TMEM207: variants seen among roughly 807,000 people sequenced by gnomAD.
TMEM207 encodes the protein transmembrane protein 207.
A neutral mutation model predicts 17.4 loss-of-function variants in TMEM207; 15 were observed. The observed-to-expected ratio is 0.86, with a 90% CI of 0.58 to 1.33. TMEM207 has a LOEUF of 1.33. Ranked by LOEUF, TMEM207 falls within the 40% of genes most tolerant of loss-of-function variation. TMEM207 has a pLI of 0.00. For synonymous variants in TMEM207, 70 were observed against 65.6 expected (o/e 1.07, Z -0.33); for missense variants, 205 against 173.8 (o/e 1.18, Z -1.01).
Position 190,447,949 on chromosome 3 carries a change from C to G in TMEM207, c.76-122G>C, listed in dbSNP as rs556193952. ...TCGTTTGCTTTTTTAATTAAAAGCT[C>G]TATAGCAGAGTTTATTGTTGGTACA... On this transcript the variant is annotated intron_variant, in intron 1 of 4. Coordinates refer to ENST00000354905, the MANE Select transcript of TMEM207 (RefSeq NM_207316.3). 8.3e-6 allele frequency: 7 copies of G among 839,132 alleles called. No homozygotes were observed. The East Asian group carries it at 1.1e-4, about 13-fold the overall frequency. 52.0% of individuals were successfully genotyped at this position (839,132 alleles called of 1,614,324 possible). A position where few individuals can be genotyped will look rare whatever the true frequency, so the allele number is the denominator to read the frequency against.
intron 2 of TMEM207, chr3:190,444,525 T>C (rs1204790950): frequency 1.0e-5 from 9 of 864,142 alleles, no homozygotes; most frequent in Non-Finnish European, 1.2e-5. Context: ...AAAATAGAAA[T>C]GAGAGCCTGG....
chr3:190,444,676 T>A (rs533366195), intron 2 of TMEM207, among the ~76,000 whole-genome samples: 2 of 152,092 alleles, frequency 1.3e-5, no homozygotes, highest in African/African-American at 2.4e-5. Flanking sequence ...GAATATTGGT[T>A]ATATAGTGTC....
At chr3:190,441,365 A>T in intron 3 of TMEM207, 73 bp downstream of exon 3, 1 of 1,189,720 alleles carries the variant, frequency 8.4e-7, no homozygotes, top group Admixed American at 1.9e-5. Flanking sequence ...TTCATGTACC[A>T]TCTCAAATTA....
chr3:190,439,919 C>T (rs1274614777), intron 4 of TMEM207, among the ~76,000 whole-genome samples: 1 of 152,200 alleles, frequency 6.6e-6, no homozygotes, highest in Non-Finnish European at 1.5e-5. Flanking sequence ...CTCAGAGATG[C>T]TTTGCAGTAC....
chr3:190,444,135 G>A (rs1465169753), intron 2 of TMEM207, among the ~76,000 whole-genome samples: 1 of 152,100 alleles, frequency 6.6e-6, no homozygotes, highest in Non-Finnish European at 1.5e-5. Flanking sequence ...TGGTTTCTCT[G>A]TTACATCACT....
chr3:190,433,452 T>A (rs546384441), intron 4 of TMEM207, among the ~76,000 whole-genome samples: 14 of 152,136 alleles, frequency 9.2e-5, no homozygotes, highest in Non-Finnish European at 1.0e-4. Context: ...AATCCTTATC[T>A]TTTTTTAAAA....
At position 190,447,703 on chromosome 3, in the gene TMEM207, G is replaced by A. The variant is rs1346145492; in HGVS notation, c.113+87C>T. The A allele has an allele frequency of 9.7e-6, 13 of 1,345,236 alleles. No individual in the cohort carries two copies. The East Asian group carries it at 2.6e-4, about 27-fold the overall frequency. 83.3% of individuals were successfully genotyped at this position (1,345,236 alleles called of 1,614,324 possible). On this transcript the variant is annotated intron_variant, in intron 2 of 4. Coordinates refer to ENST00000354905, the MANE Select transcript of TMEM207 (RefSeq NM_207316.3). ...ATAATGATCATTTGAAACTCAACTG[G>A]GCTTTTTCTAATGGCTTGAGCCTTT... is the stretch of plus-strand genomic sequence containing the variant.
In TMEM207 at chr3:190,429,367, T is replaced by C. The variant is rs189370393; in HGVS notation, c.*228A>G. ...GAAGCATTAATTTGGTTGTGTAGCA[T>C]AAAAGTATGATACAGCAGTGACACA... On this transcript the variant is annotated 3_prime_UTR_variant, in exon 5 of 5. Coordinates refer to ENST00000354905, the MANE Select transcript of TMEM207 (RefSeq NM_207316.3). 4.2e-4 allele frequency: 212 copies of C among 503,632 alleles called. 1 individual carries two copies. Among genetic ancestry groups the C allele is most frequent in the African/African-American group, 2.4e-3 (121 of 50,852 alleles). The allele number at this position is 503,632 out of a possible 1,614,324, so 31.2% of individuals were successfully genotyped here.
chr3:190,430,474 T>C (rs1170825358), intron 4 of TMEM207, among the ~76,000 whole-genome samples: 1 of 151,386 alleles, frequency 6.6e-6, no homozygotes, highest in African/African-American at 2.4e-5. Context: ...TGCTATTTTA[T>C]AACCATCTTT....
At chr3:190,444,152 T>C (rs1447481846) in intron 2 of TMEM207, among the ~76,000 whole-genome samples, 2 of 152,186 alleles carry the variant, frequency 1.3e-5, no homozygotes, top group Non-Finnish European at 2.9e-5. Flanking sequence ...CACTCAGCAT[T>C]TTCTAGGGCA....
intron 4 of TMEM207, among the ~76,000 whole-genome samples, chr3:190,437,811 C>T (rs1056242760): frequency 2.4e-4 from 36 of 151,122 alleles, no homozygotes; most frequent in Non-Finnish European, 4.6e-4. Context: ...ATGTTTATTG[C>T]GGCACTATTC....
chr3:190,445,618 C>A (rs771840996), intron 2 of TMEM207, among the ~76,000 whole-genome samples: 15 of 152,092 alleles, frequency 9.9e-5, no homozygotes, highest in Non-Finnish European at 1.9e-4. Flanking sequence ...CGCCACCTCC[C>A]AGGTTCAAGC....
chr3:190,432,555 T>C (rs956121975), intron 4 of TMEM207, among the ~76,000 whole-genome samples: 1 of 152,228 alleles, frequency 6.6e-6, no homozygotes, highest in African/African-American at 2.4e-5. Flanking sequence ...AAATACTTCC[T>C]TTTTTATTAC....
chr3:190,440,257 C>T lies in TMEM207; in HGVS notation c.291G>A (p.Leu97=). The T allele has an allele frequency of 6.2e-7, 1 of 1,613,638 alleles. No homozygotes were observed. The highest frequency in any genetic ancestry group is 8.5e-7 in the Non-Finnish European group (1 of 1,179,830). The change falls in exon 4 of 5, where the codon TTG becomes TTA. Residue 97 remains leucine, a synonymous_variant. Coordinates refer to ENST00000354905, the MANE Select transcript of TMEM207 (RefSeq NM_207316.3). ...CAGACAACTCACCATAAATAGAGTC[C>T]AAGTCTCCAACAGCAAAAACTGCCA... The part of the protein sequence containing the change: ...RTMAVFAVGD[L]DSIYGTEAAV...
chr3:190,446,398 T>G (rs1280235849), intron 2 of TMEM207, among the ~76,000 whole-genome samples: 1 of 152,208 alleles, frequency 6.6e-6, no homozygotes, highest in Non-Finnish European at 1.5e-5. Flanking sequence ...ATTTGAGATA[T>G]TGTGCACGTC....
Position 190,428,772 on chromosome 3 carries a change from C to A in TMEM207, c.*823G>T, listed in dbSNP as rs1237125333. On this transcript the variant is annotated 3_prime_UTR_variant, in exon 5 of 5. Coordinates refer to ENST00000354905, the MANE Select transcript of TMEM207 (RefSeq NM_207316.3). ...CCTGCTGATGGCCACTGCCAAAATG[C>A]CACTTGAAGATGTCTCATTGCTACT... 6.6e-6 allele frequency: 1 copy of A among 152,160 alleles called. No individual in the cohort carries two copies. Among genetic ancestry groups the A allele is most frequent in the African/African-American group, 2.4e-5 (1 of 41,446 alleles). The allele number at this position is 152,160 out of a possible 1,614,324, so 9.4% of individuals were successfully genotyped here.
chr3:190,442,921 A>G (rs1031877819), intron 2 of TMEM207, among the ~76,000 whole-genome samples: 32 of 152,218 alleles, frequency 2.1e-4, no homozygotes, highest in Non-Finnish European at 3.4e-4. Flanking sequence ...ACTACCAGAC[A>G]TAAATTTACA....
chr3:190,446,244 G>C (rs1166747963), intron 2 of TMEM207, among the ~76,000 whole-genome samples: 1 of 152,166 alleles, frequency 6.6e-6, no homozygotes, highest in East Asian at 1.9e-4. Flanking sequence ...TCAGATCAAA[G>C]AAGTGATTTG....
At chr3:190,441,617 C>T (rs902383651) in intron 2 of TMEM207, 135 bp from the exon 3 acceptor site, 3 of 653,206 alleles carry the variant, frequency 4.6e-6, no homozygotes, top group African/African-American at 1.8e-5. Context: ...CAGCCCATAT[C>T]GTCCCGCACC....
Sources: gnomAD v4.1 joint callset for allele counts (sites outside exome capture counted in the v4.1 genomes callset) on GRCh38, gnomAD v4.1.1 for gene constraint, MANE v1.5 for transcripts, NCBI Gene and HGNC (gene_info 2026-07-23, HGNC 2026-07-21) for gene names.